The following SATB1 variants were observed in gnomAD, a reference collection of about 807,000 sequenced individuals.
SATB1 encodes the protein SATB homeobox 1.
In SATB1, 11 loss-of-function variants were observed where a neutral mutation model predicts 86.9. The observed-to-expected ratio is 0.13, with a 90% confidence interval of 0.08 to 0.21. The LOEUF (loss-of-function observed/expected upper bound fraction) is 0.21, where lower values mean the gene tolerates loss of function less well. Ranked by LOEUF, SATB1 falls within the 10% of genes least tolerant of loss-of-function variation. The probability of loss-of-function intolerance (pLI) is 1.00; values close to 1 mark genes in which losing one functional copy is unlikely to be tolerated. For synonymous variants in SATB1, 357 were observed against 357.2 expected (o/e 1.00, Z 0.01); for missense variants, 551 against 937.6 (o/e 0.59, Z 5.39).
rs1696837236 is a variant in SATB1 at position 18,394,217 on chromosome 3, A to G, written c.1206+245T>C. 6.6e-6 allele frequency among the ~76,000 whole-genome samples: 1 copy of G among 152,192 alleles called. No individual in the cohort carries two copies. The highest frequency in any genetic ancestry group is 2.4e-5 in the African/African-American group (1 of 41,444). ...AATGCCAGTTTAAAGTACGTTTGAC[A>G]TTTAATTAGTCTTTCAAAGGCCCTG... On this transcript the variant is annotated intron_variant, in intron 7 of 10. Coordinates refer to ENST00000338745, the MANE Select transcript of SATB1 (RefSeq NM_002971.6). The surrounding 1 kb of genome is among the most constrained non-coding windows in gnomAD (Gnocchi z 5.9).
At chr3:18,366,047 C>T (rs1459316033) in intron 9 of SATB1, among the ~76,000 whole-genome samples, 1 of 152,114 alleles carries the variant, frequency 6.6e-6, no homozygotes, top group Non-Finnish European at 1.5e-5. Flanking sequence ...TTTATTTTTA[C>T]CTAATCTGCA....
intron 5 of SATB1, among the ~76,000 whole-genome samples, chr3:18,411,978 C>A (rs1437624382): frequency 6.6e-6 from 1 of 151,824 alleles, no homozygotes; most frequent in Non-Finnish European, 1.5e-5. Flanking sequence ...TGTAAGTATT[C>A]CTTTTTTTTT....
chr3:18,397,388 CTGAG>C (rs1697018373), intron 5 of SATB1, 98 bp from the exon 6 acceptor site: 2 of 742,072 alleles, frequency 2.7e-6, no homozygotes, highest in African/African-American at 3.5e-5. Context: ...TTTTAATCAA[CTGAG>C]TACCAATACA....
intron 2 of SATB1, chr3:18,434,890 C>G (rs1240744582): frequency 6.6e-6 from 1 of 151,764 alleles, no homozygotes; most frequent in Non-Finnish European, 1.5e-5. Context: ...ACCGCTAAGG[C>G]AAAGAGAAAC....
rs1694154448 is a variant in SATB1, at chr3:18,348,173, A to C, written c.*997T>G. The C allele has an allele frequency of 6.6e-6, 1 of 152,624 alleles. No individual in the cohort carries two copies. Among genetic ancestry groups the C allele is most frequent in the Non-Finnish European group, 1.5e-5 (1 of 68,012 alleles). The allele number at this position is 152,624 out of a possible 1,614,324, so 9.5% of individuals were successfully genotyped here. On this transcript the variant is annotated 3_prime_UTR_variant, in exon 11 of 11. Transcript: ENST00000338745. ...AAAGGAAGACACATTGCAAACATCA[A>C]TTATTTTCACATTAATTGCATAATT...
intron 5 of SATB1, among the ~76,000 whole-genome samples, chr3:18,403,901 C>T (rs1386451535): frequency 6.6e-6 from 1 of 151,992 alleles, no homozygotes; most frequent in East Asian, 1.9e-4. Flanking sequence ...ATCTCCCACC[C>T]CTTTGTGCAT....
intron 7 of SATB1, among the ~76,000 whole-genome samples, chr3:18,392,972 C>CAAAA (rs35399493): frequency 8.7e-6 from 1 of 114,816 alleles, no homozygotes; most frequent in South Asian, 2.8e-4. Flanking sequence ...GACGAACGTA[C>CAAAA]AAAAAAAAAA....
intron 9 of SATB1, among the ~76,000 whole-genome samples, chr3:18,375,958 G>A (rs886372165): frequency 6.6e-6 from 1 of 152,176 alleles, no homozygotes; most frequent in Non-Finnish European, 1.5e-5. Context: ...AACTAGTAAT[G>A]AGTAATTAGC....
chr3:18,370,006 G>A (rs780821509), intron 9 of SATB1, among the ~76,000 whole-genome samples: 6 of 152,154 alleles, frequency 3.9e-5, no homozygotes, highest in South Asian at 2.1e-4. Flanking sequence ...ATCACAAAGC[G>A]GAGAAACTCC....
rs1167848076 is a variant in SATB1, at chr3:18,424,221, G to A, written c.-619C>T. On this transcript the variant is annotated 5_prime_UTR_variant, in exon 1 of 11. Transcript: ENST00000338745. Reference sequence around the variant, plus strand: ...GCTCACTCGGGTTCTTCGGTGTGAGGACAGAAAGTCTACTTCTGGCTGTCA... The same window carrying A: ...GCTCACTCGGGTTCTTCGGTGTGAGAACAGAAAGTCTACTTCTGGCTGTCA... 4 of 151,970 alleles carry A rather than the reference G, an allele frequency of 2.6e-5. No individual in the cohort carries two copies. The South Asian group carries it at 6.2e-4, about 24-fold the overall frequency. The allele number at this position is 151,970 out of a possible 1,614,324, so 9.4% of individuals were successfully genotyped here.
chr3:18,413,599 A>T lies in SATB1; in HGVS notation c.639+1512T>A, dbSNP rs146604298. 2.7e-3 allele frequency among the ~76,000 whole-genome samples: 411 copies of T among 152,212 alleles called. 2 individuals carry two copies. Among genetic ancestry groups the T allele is most frequent in the African/African-American group, 9.3e-3 (387 of 41,572 alleles). On this transcript the variant is annotated intron_variant, in intron 5 of 10. Transcript: ENST00000338745. ...GAAGTAAGAGTCACCCTTTTATTCT[A>T]TCATCCTATTCATTTGTGATTAATT...
Position 18,420,953 on chromosome 3 carries a change from G to T in SATB1, c.15C>A (p.Asn5Lys). 1 of 1,614,004 alleles carries T rather than the reference G, an allele frequency of 6.2e-7. No homozygotes were observed. Among genetic ancestry groups the T allele is most frequent in the Non-Finnish European group, 8.5e-7 (1 of 1,179,956 alleles). Reference protein sequence around the residue: MDHLNEATQGKEHSE... With the variant: MDHLKEATQGKEHSE... ...AATGTTCTTTCCCCTGAGTTGCCTC[G>T]TTCAAATGATCCATACTCAGTCACT... Residue 5 changes from asparagine to lysine, a missense_variant, in exon 2 of 11, where the codon AAC becomes AAA. Transcript: ENST00000338745.
chr3:18,379,304 T>C (rs9310559), intron 8 of SATB1, among the ~76,000 whole-genome samples: 93,082 of 151,968 alleles, frequency 0.61, 29,075 homozygotes, highest in East Asian at 0.93. Flanking sequence ...GCCTGGAAAA[T>C]TTACATAAAA....
chr3:18,355,617 G>A (rs1211304260), intron 9 of SATB1, among the ~76,000 whole-genome samples: 1 of 151,854 alleles, frequency 6.6e-6, no homozygotes, highest in Non-Finnish European at 1.5e-5. Context: ...GCAGAGATGA[G>A]GAATGAAATG....
intron 9 of SATB1, among the ~76,000 whole-genome samples, chr3:18,373,663 T>G (rs1468449224): frequency 6.6e-6 from 1 of 151,928 alleles, no homozygotes; most frequent in Non-Finnish European, 1.5e-5. Context: ...CTAAGGAAAA[T>G]GGAGGTATTC....
intron 2 of SATB1, among the ~76,000 whole-genome samples, chr3:18,420,062 A>G (rs924199122): frequency 6.6e-5 from 10 of 152,214 alleles, no homozygotes; most frequent in East Asian, 1.9e-4. Context: ...AGGCACATGC[A>G]TTACACCCAG....
At chr3:18,379,247 T>C (rs1219481709) in intron 8 of SATB1, among the ~76,000 whole-genome samples, 1 of 152,218 alleles carries the variant, frequency 6.6e-6, no homozygotes, top group African/African-American at 2.4e-5. Context: ...CTATAATTCA[T>C]GTTTAAAACT....
upstream of SATB1, among the ~76,000 whole-genome samples, chr3:18,439,521 A>G (rs1166433779): frequency 6.6e-6 from 1 of 152,234 alleles, no homozygotes; most frequent in Non-Finnish European, 1.5e-5. Flanking sequence ...ATCACACTCT[A>G]TGAAGACATC....
chr3:18,371,808 C>A (rs1695491682), intron 9 of SATB1, among the ~76,000 whole-genome samples: 1 of 152,128 alleles, frequency 6.6e-6, no homozygotes, highest in East Asian at 1.9e-4. Context: ...TAAGAAAAAA[C>A]ACTTTCATCT....
Sources: allele counts gnomAD v4.1 joint callset (sites outside exome capture counted in the v4.1 genomes callset), GRCh38; gene constraint gnomAD v4.1.1; non-coding constraint Gnocchi (gnomAD v3.1); transcripts MANE v1.5; gene names NCBI Gene and HGNC (gene_info 2026-07-23, HGNC 2026-07-21).